Variants in TYW1B observed in about 807,000 individuals in gnomAD.
TYW1B encodes tRNA-yW synthesizing protein 1 homolog B, also known as S-adenosyl-L-methionine-dependent tRNA 4-demethylwyosine synthase TYW1B.
In TYW1B, 73 loss-of-function variants were observed where a neutral mutation model predicts 86.9. That is an observed-to-expected ratio of 0.84 (90% confidence interval 0.70 to 1.02). The LOEUF (loss-of-function observed/expected upper bound fraction) is 1.02, where lower values mean the gene tolerates loss of function less well. TYW1B is among the 50% of genes least tolerant of loss of function. TYW1B has a pLI of 0.00. For synonymous variants in TYW1B, 248 were observed against 292.8 expected, an observed-to-expected ratio of 0.85 and a Z score of 1.56; for missense variants, 637 against 827.4, an observed-to-expected ratio of 0.77 and a Z score of 2.82.
intron 8 of TYW1B, among the ~76,000 whole-genome samples, chr7:72,743,819 G>A (rs188623068): frequency 6.7e-6 from 1 of 150,368 alleles, no homozygotes; most frequent in East Asian, 2.0e-4. Flanking sequence ...CCTCCACCCT[G>A]GGCAACAAGA....
At chr7:72,730,751 G>A (rs1271505810) in intron 8 of TYW1B, among the ~76,000 whole-genome samples, 11 of 151,626 alleles carry the variant, frequency 7.3e-5, no homozygotes, top group Non-Finnish European at 1.5e-5. Context: ...AGGAATGATG[G>A]GACACCATTA....
intron 10 of TYW1B, among the ~76,000 whole-genome samples, chr7:72,699,402 A>C (rs1301849393): frequency 6.6e-6 from 1 of 152,178 alleles, no homozygotes; most frequent in Non-Finnish European, 1.5e-5. Flanking sequence ...CCAGTGACAC[A>C]GTCAGATCAG....
At chr7:72,648,104 A>G (rs1812973196) in intron 11 of TYW1B, among the ~76,000 whole-genome samples, 1 of 152,196 alleles carries the variant, frequency 6.6e-6, no homozygotes, top group Admixed American at 6.5e-5. Flanking sequence ...AAGGTTTAGA[A>G]AGAAATACAA....
Position 72,655,400 on chromosome 7 carries a change from A to T in TYW1B, c.1507-26403T>A, listed in dbSNP as rs187874288. On this transcript the variant is annotated intron_variant, in intron 11 of 13. Transcript: ENST00000620995. Reference sequence around the variant, plus strand: ...CCCACTCACACCAGGAGCCCCAAGCAACTACATCACAGCACCGTATTGAGC... The same window carrying T: ...CCCACTCACACCAGGAGCCCCAAGCTACTACATCACAGCACCGTATTGAGC... Among the ~76,000 whole-genome samples, 54 of 150,914 alleles carry T rather than the reference A, an allele frequency of 3.6e-4. No homozygotes were observed. In the South Asian group the frequency reaches 5.8e-3, roughly 16 times the overall value.
At chr7:72,607,824 G>C (rs1811840435) in intron 13 of TYW1B, among the ~76,000 whole-genome samples, 1 of 152,108 alleles carries the variant, frequency 6.6e-6, no homozygotes, top group Non-Finnish European at 1.5e-5. Context: ...AATTTGTAAA[G>C]GGCATATACC....
At chr7:72,599,428 G>C (rs1380514944) in intron 13 of TYW1B, among the ~76,000 whole-genome samples, 7 of 152,212 alleles carry the variant, frequency 4.6e-5, no homozygotes, top group African/African-American at 1.7e-4. Context: ...CTTCCGCTAA[G>C]ATCATACTTA....
intron 7 of TYW1B, among the ~76,000 whole-genome samples, chr7:72,746,769 C>T (rs1278554989): frequency 1.3e-5 from 2 of 152,136 alleles, no homozygotes; most frequent in African/African-American, 4.8e-5. Flanking sequence ...GGTAGCTTCG[C>T]GAAAGGACCA....
chr7:72,679,214 G>A (rs1392847741), intron 11 of TYW1B, among the ~76,000 whole-genome samples: 3 of 152,184 alleles, frequency 2.0e-5, no homozygotes, highest in Non-Finnish European at 4.4e-5. Flanking sequence ...AGGCTACGGC[G>A]ACAAAAATCT....
chr7:72,779,217 C>T (rs10251657), intron 6 of TYW1B, among the ~76,000 whole-genome samples: 1 of 152,250 alleles, frequency 6.6e-6, no homozygotes, highest in African/African-American at 2.4e-5. Flanking sequence ...AACACCATTT[C>T]TACTTTAACA....
intron 12 of TYW1B, among the ~76,000 whole-genome samples, chr7:72,620,146 C>G (rs1554437707): frequency 6.6e-6 from 1 of 152,202 alleles, no homozygotes; most frequent in African/African-American, 2.4e-5. Context: ...CCTGTAATCC[C>G]AGCTCTTTGG....
At chr7:72,682,262 T>C (rs1224232553) in intron 11 of TYW1B, among the ~76,000 whole-genome samples, 3 of 151,694 alleles carry the variant, frequency 2.0e-5, no homozygotes, top group Admixed American at 6.6e-5. Context: ...CTTCTGGGAA[T>C]GGAACAGCAC....
At chr7:72,791,798 A>G (rs1418606926) in intron 6 of TYW1B, among the ~76,000 whole-genome samples, 1 of 151,978 alleles carries the variant, frequency 6.6e-6, no homozygotes, top group Non-Finnish European at 1.5e-5. Context: ...AAAAAGAACA[A>G]TGGAACTTCC....
intron 13 of TYW1B, among the ~76,000 whole-genome samples, chr7:72,578,025 C>G (rs1313805608): frequency 2.0e-5 from 3 of 152,146 alleles, no homozygotes. Flanking sequence ...CATTCCACCC[C>G]ACCAAGCCTG....
intron 13 of TYW1B, among the ~76,000 whole-genome samples, chr7:72,587,960 G>C (rs1209081733): frequency 6.6e-6 from 1 of 152,140 alleles, no homozygotes; most frequent in African/African-American, 2.4e-5. Context: ...TCATTACAGT[G>C]GTATCTTTTG....
chr7:72,628,270 G>C (rs762641972), intron 12 of TYW1B, among the ~76,000 whole-genome samples: 48 of 151,636 alleles, frequency 3.2e-4, no homozygotes, highest in Non-Finnish European at 1.6e-4. Context: ...GTGACAAAGC[G>C]AGTCCTTGTC....
intron 7 of TYW1B, among the ~76,000 whole-genome samples, chr7:72,750,145 C>T (rs973755554): frequency 2.0e-5 from 3 of 151,890 alleles, no homozygotes; most frequent in African/African-American, 7.3e-5. Flanking sequence ...AAGTAATTGG[C>T]CCACCTCAGC....
chr7:72,727,843 CA>C (rs1787030752), intron 9 of TYW1B, among the ~76,000 whole-genome samples: 1 of 133,438 alleles, frequency 7.5e-6, no homozygotes, highest in African/African-American at 2.7e-5. Flanking sequence ...AGAAGAAAGA[CA>C]AAAAAGCATA....
At chr7:72,641,371 C>T (rs1441612871) in intron 11 of TYW1B, among the ~76,000 whole-genome samples, 4 of 152,164 alleles carry the variant, frequency 2.6e-5, no homozygotes, top group Admixed American at 2.6e-4. Context: ...ACACTTCACA[C>T]CTCCTTCTCC....
chr7:72,780,032 A>C lies in TYW1B; in HGVS notation c.847-2499T>G, dbSNP rs371612630. On this transcript the variant is annotated intron_variant, in intron 6 of 13. Transcript: ENST00000620995. ...AAAAATTCATAAACAAACATCAATC[A>C]TTTGTTCTTATAATAAATGTAATTA... Among the ~76,000 whole-genome samples the C allele has an allele frequency of 1.4e-4, 21 of 152,264 alleles. No individual in the cohort carries two copies. In the East Asian group the frequency reaches 2.7e-3, roughly 20 times the overall value.
Sources: gnomAD v4.1 joint callset for allele counts (sites outside exome capture counted in the v4.1 genomes callset) on GRCh38, gnomAD v4.1.1 for gene constraint, MANE v1.5 for transcripts, NCBI Gene and HGNC (gene_info 2026-07-23, HGNC 2026-07-21) for gene names.